The following PHYH variants were observed in gnomAD, a reference collection of about 807,000 sequenced individuals.
PHYH encodes the protein phytanoyl-CoA 2-hydroxylase.
Under a neutral mutation model 38.5 loss-of-function variants are expected in PHYH, and 32 were observed. The observed-to-expected ratio is 0.83, with a 90% CI of 0.63 to 1.12. The LOEUF (loss-of-function observed/expected upper bound fraction) is 1.12. Among genes scored for constraint, PHYH ranks in the 50% most tolerant of loss-of-function variants. The pLI, the probability that PHYH is intolerant of heterozygous loss-of-function variation, is 0.00. For missense variants in PHYH, 426 were observed against 434.8 expected, an observed-to-expected ratio of 0.98 and a Z score of 0.18; for synonymous variants, 166 against 157.9, an observed-to-expected ratio of 1.05 and a Z score of -0.38.
chr10:13,296,798 G>A (rs536450543), intron 2 of PHYH, among the ~76,000 whole-genome samples: 88 of 151,388 alleles, frequency 5.8e-4, no homozygotes, highest in South Asian at 4.6e-3. Flanking sequence ...TACTAAAAAT[G>A]CAAAAAATTA....
In PHYH at chr10:13,295,191, T is replaced by C. The variant is rs114380908; in HGVS notation, c.245+305A>G. The C allele has an allele frequency of 3.6e-3, 1,284 of 357,960 alleles. 12 individuals are homozygous for C. The highest frequency in any genetic ancestry group is 0.024 in the African/African-American group (1,150 of 47,640). 22.2% of individuals were successfully genotyped at this position (357,960 alleles called of 1,614,324 possible). On this transcript the variant is annotated intron_variant, in intron 3 of 8. Transcript: ENST00000263038. The stretch of plus-strand genomic sequence containing the variant: ...AAAGAAATAAAAAATTAGCTGGGTA[T>C]GGTGGTGCACAACTGTGGTCCCAGC...
chr10:13,282,050 C>T (rs1031422601), intron 7 of PHYH, among the ~76,000 whole-genome samples: 3 of 151,530 alleles, frequency 2.0e-5, no homozygotes, highest in Admixed American at 6.6e-5. Context: ...GTTCAAGACT[C>T]GCCTGGGCAA....
intron 6 of PHYH, among the ~76,000 whole-genome samples, chr10:13,286,783 AAGCC>A (rs1835561971): frequency 6.6e-6 from 1 of 152,116 alleles, no homozygotes; most frequent in African/African-American, 2.4e-5. Context: ...TGAGTGAAGG[AAGCC>A]AGAACGGGAC....
intron 7 of PHYH, among the ~76,000 whole-genome samples, chr10:13,282,591 CA>C (rs890313204): frequency 1.1e-3 from 84 of 79,390 alleles, no homozygotes; most frequent in Admixed American, 1.4e-3. Flanking sequence ...GACTCCACCT[CA>C]AAAAAAAAAA....
At position 13,283,670 on chromosome 10, in the gene PHYH, G is replaced by C. The variant is rs747767550; in HGVS notation, c.828+20C>G. 1.2e-6 allele frequency: 2 copies of C among 1,612,636 alleles called. No individual in the cohort carries two copies. Among genetic ancestry groups the C allele is most frequent in the Admixed American group, 3.3e-5 (2 of 59,996 alleles). ...TCTAACCCACACTTCTGCAGCAGGTGCAGCAATGTGAATGCTTACCTTCCG... is the reference window on the plus strand; with the variant it reads ...TCTAACCCACACTTCTGCAGCAGGTCCAGCAATGTGAATGCTTACCTTCCG... On this transcript the variant is annotated intron_variant, in intron 7 of 8. Coordinates refer to ENST00000263038, the MANE Select transcript of PHYH (RefSeq NM_006214.4).
intron 5 of PHYH, 54 bp from the exon 6 acceptor site, chr10:13,288,595 C>T (rs921558259): frequency 9.8e-6 from 15 of 1,533,906 alleles, no homozygotes; most frequent in South Asian, 3.4e-5. Context: ...CAGTGGCTCA[C>T]GCCTGTAACC....
At position 13,292,473 on chromosome 10, in the gene PHYH, C is replaced by G. The variant is rs61851581; in HGVS notation, c.415-561G>C. 4.7e-4 allele frequency among the ~76,000 whole-genome samples: 71 copies of G among 152,206 alleles called. 2 individuals are homozygous for G. In the Middle Eastern group the frequency reaches 0.014, roughly 29 times the overall value. On this transcript the variant is annotated intron_variant, in intron 4 of 8. Transcript: ENST00000263038. ...CAGGAGTTAGATGAAAAATGTTAAC[C>G]CAGTAATGACATGGGTCAGAGTGGC... is the stretch of plus-strand genomic sequence containing the variant.
intron 1 of PHYH, among the ~76,000 whole-genome samples, chr10:13,298,856 G>A (rs895640091): frequency 3.5e-5 from 3 of 85,416 alleles, no homozygotes; most frequent in African/African-American, 9.9e-5. Flanking sequence ...GGAGGTTGCA[G>A]TGGGCCGACA....
chr10:13,287,964 G>A (rs1321134287), intron 6 of PHYH, among the ~76,000 whole-genome samples: 2 of 152,162 alleles, frequency 1.3e-5, no homozygotes, highest in Non-Finnish European at 2.9e-5. Flanking sequence ...CAGATCACCT[G>A]AGGTCAGGAG....
At chr10:13,292,033 C>T (rs532393341) in intron 4 of PHYH, 121 bp from the exon 5 acceptor site, 21 of 715,416 alleles carry the variant, frequency 2.9e-5, no homozygotes, top group Middle Eastern at 3.3e-4. Flanking sequence ...AAGAACCAAG[C>T]GGTATTTCAC....
At chr10:13,282,298 A>G (rs1835430678) in intron 7 of PHYH, among the ~76,000 whole-genome samples, 1 of 152,114 alleles carries the variant, frequency 6.6e-6, no homozygotes, top group Non-Finnish European at 1.5e-5. Flanking sequence ...TAAAAGCATT[A>G]AAAAACATTG....
At chr10:13,279,186 C>T (rs1185313799) in intron 8 of PHYH, among the ~76,000 whole-genome samples, 1 of 151,960 alleles carries the variant, frequency 6.6e-6, no homozygotes, top group Admixed American at 6.6e-5. Context: ...TTAGTAGAGA[C>T]GGGGTTTCAC....
At chr10:13,290,717 T>C (rs937869413) in intron 5 of PHYH, among the ~76,000 whole-genome samples, 6 of 152,102 alleles carry the variant, frequency 3.9e-5, no homozygotes, top group African/African-American at 1.4e-4. Context: ...GTTATTAAAA[T>C]ACAGAAACCT....
chr10:13,294,399 G>A (rs1835786223), intron 4 of PHYH, 29 bp downstream of exon 4: 4 of 1,610,736 alleles, frequency 2.5e-6, no homozygotes, highest in Admixed American at 1.7e-5. Context: ...TGGCAATTAA[G>A]CCGACGCAAA....
In PHYH at chr10:13,283,818, G is replaced by A. The variant is rs780743090; in HGVS notation, c.700C>T (p.His234Tyr). The change falls in exon 7 of 9, where the codon CAC becomes TAC. Residue 234 changes from histidine to tyrosine, a missense_variant. Coordinates refer to ENST00000263038, the MANE Select transcript of PHYH (RefSeq NM_006214.4). ...KWEGGVNKMF[H>Y]GIQDYEENKA... Reference sequence around the variant, plus strand: ...TTTTCCTCGTAGTCCTGGATCCCGTGGAACATTTTGTTAACTCCCCCCTAG... The same window carrying A: ...TTTTCCTCGTAGTCCTGGATCCCGTAGAACATTTTGTTAACTCCCCCCTAG... The A allele has an allele frequency of 6.2e-7, 1 of 1,613,742 alleles. No homozygotes were observed. Among genetic ancestry groups the A allele is most frequent in the Non-Finnish European group, 8.5e-7 (1 of 1,179,908 alleles).
Position 13,300,049 on chromosome 10 carries a change from G to A in PHYH, c.-7C>T, listed in dbSNP as rs1308202435. On this transcript the variant is annotated 5_prime_UTR_variant, in exon 1 of 9. Transcript: ENST00000263038. ...CGGCGCGAAGCTGCTCCATGGCTGC[G>A]GCGCGGGGAACCCCCACCCCTCCCG... is the stretch of plus-strand genomic sequence containing the variant. The A allele has an allele frequency of 5.9e-6, 9 of 1,530,100 alleles. No homozygotes were observed. In the East Asian group the frequency reaches 2.0e-4, roughly 34 times the overall value. 94.8% of individuals were successfully genotyped at this position (1,530,100 alleles called of 1,614,324 possible).
In PHYH at chr10:13,296,207, C is replaced by T. The variant is rs755074665; in HGVS notation, c.135-601G>A. 9.9e-5 allele frequency among the ~76,000 whole-genome samples: 15 copies of T among 151,556 alleles called. 1 individual carries two copies. In the South Asian group the frequency reaches 1.0e-3, roughly 11 times the overall value. On this transcript the variant is annotated intron_variant, in intron 2 of 8. Transcript: ENST00000263038. The stretch of plus-strand genomic sequence containing the variant: ...AAGACAAAAACAAGAACCTAGGAAA[C>T]GTTCATGCTCTTCAATTCAGCATTT...
intron 3 of PHYH, 67 bp downstream of exon 3, chr10:13,295,429 C>A: frequency 3.5e-6 from 3 of 862,136 alleles, no homozygotes; most frequent in Non-Finnish European, 6.0e-6. Context: ...GGAGCGAATC[C>A]ACCTTGTATT....
intron 5 of PHYH, among the ~76,000 whole-genome samples, chr10:13,290,378 A>G (rs759729484): frequency 3.9e-5 from 6 of 152,154 alleles, no homozygotes; most frequent in African/African-American, 1.2e-4. Context: ...CGGAGTGCCC[A>G]TGACCACACT....
Sources: gnomAD v4.1 joint callset for allele counts (sites outside exome capture counted in the v4.1 genomes callset) on GRCh38, gnomAD v4.1.1 for gene constraint, MANE v1.5 for transcripts, NCBI Gene and HGNC (gene_info 2026-07-23, HGNC 2026-07-21) for gene names.